CCDC57: variants seen among roughly 807,000 people sequenced by gnomAD.
The protein encoded by CCDC57 is coiled-coil domain containing 57, also known as coiled-coil domain-containing protein 57.
In CCDC57, 118 loss-of-function variants were observed where a neutral mutation model predicts 118.9. The ratio of observed to expected loss-of-function variants is 0.99; its 90% CI spans 0.86 to 1.16. The LOEUF is 1.16. CCDC57 is among the 50% of genes most tolerant of loss of function. The pLI is 0.00. For synonymous variants in CCDC57, 527 were observed against 532.9 expected, an observed-to-expected ratio of 0.99 and a Z score of 0.15; for missense variants, 1,300 against 1,320.7, an observed-to-expected ratio of 0.98 and a Z score of 0.24.
chr17:82,114,093 T>C (rs1035461921), intron 19 of CCDC57, among the ~76,000 whole-genome samples: 2 of 152,176 alleles, frequency 1.3e-5, no homozygotes, highest in African/African-American at 4.8e-5. Context: ...CCCTCGTCAG[T>C]ACACAGAGTG....
chr17:82,151,924 AAG>A, intron 15 of CCDC57, 151 bp from the exon 15 acceptor site: 1 of 640,376 alleles, frequency 1.6e-6, no homozygotes, highest in African/African-American at 1.8e-5. Context: ...GAAAGACAAA[AAG>A]AGTCGCTGCT....
At chr17:82,149,486 C>T (rs983672240) in intron 16 of CCDC57, among the ~76,000 whole-genome samples, 19 of 152,088 alleles carry the variant, frequency 1.2e-4, no homozygotes, top group South Asian at 4.1e-4. Flanking sequence ...GAGAAGTCTG[C>T]GGCCATCTTC....
chr17:82,168,196 C>G (rs140324636), intron 13 of CCDC57, among the ~76,000 whole-genome samples: 4 of 152,352 alleles, frequency 2.6e-5, no homozygotes, highest in African/African-American at 7.2e-5. Context: ...TATGCCACTT[C>G]CTTCTGAGGA....
rs1440213666 is a variant in CCDC57, at chr17:82,196,116, C to T, written c.517-752G>A. On this transcript the variant is annotated intron_variant, in intron 4 of 19. Transcript: ENST00000665763. Reference sequence around the variant, plus strand: ...AAGAATGGCTGCGCCCTGCCAACTACAACCAGCCTCAAATCGCCACTGTCC... The same window carrying T: ...AAGAATGGCTGCGCCCTGCCAACTATAACCAGCCTCAAATCGCCACTGTCC... Among the ~76,000 whole-genome samples the T allele has an allele frequency of 5.3e-5, 8 of 152,306 alleles. No individual in the cohort carries two copies. The South Asian group carries it at 1.7e-3, about 32-fold the overall frequency.
intron 10 of CCDC57, 32 bp from the exon 10 acceptor site, chr17:82,178,637 T>G: frequency 6.2e-7 from 1 of 1,604,634 alleles, no homozygotes; most frequent in East Asian, 2.2e-5. Flanking sequence ...AGTCCCTGTG[T>G]GGATGACCGG....
At position 82,136,623 on chromosome 17, in the gene CCDC57, A is replaced by G. The variant is rs368820014; in HGVS notation, c.2456-2429T>C. On this transcript the variant is annotated intron_variant, in intron 16 of 19. Transcript: ENST00000665763. ...AAGAAAACTAGTTTTTTTGAGACAG[A>G]GTCTTGCTCTGTCACCCAGGCTGGA... Among the ~76,000 whole-genome samples, 181 of 150,742 alleles carry G rather than the reference A, an allele frequency of 1.2e-3. 2 individuals are homozygous for G. Among genetic ancestry groups the G allele is most frequent in the African/African-American group, 4.0e-3 (166 of 41,126 alleles).
chr17:82,126,710 G>A, intron 19 of CCDC57: 1 of 985,450 alleles, frequency 1.0e-6, no homozygotes, highest in Non-Finnish European at 1.2e-6. Context: ...CACGCGGGCA[G>A]CCTTGACTAC....
At chr17:82,168,261 CT>C (rs773590980) in intron 13 of CCDC57, among the ~76,000 whole-genome samples, 46 of 152,240 alleles carry the variant, frequency 3.0e-4, no homozygotes, top group Non-Finnish European at 7.3e-5. Flanking sequence ...TCACTGTCCC[CT>C]GTGGGCTGTG....
intron 17 of CCDC57, 59 bp from the exon 17 acceptor site, chr17:82,128,656 C>T: frequency 7.7e-7 from 1 of 1,306,022 alleles, no homozygotes; most frequent in Non-Finnish European, 1.1e-6. Context: ...TGGTGCATGT[C>T]AGTGAGTTTT....
intron 7 of CCDC57, among the ~76,000 whole-genome samples, chr17:82,191,033 G>A (rs1323334569): frequency 6.6e-6 from 1 of 151,858 alleles, no homozygotes; most frequent in Non-Finnish European, 1.5e-5. Flanking sequence ...GCTGTGTCTA[G>A]ATGTCGTGCC....
At chr17:82,107,804 C>T (rs887983613) in intron 19 of CCDC57, among the ~76,000 whole-genome samples, 4 of 152,310 alleles carry the variant, frequency 2.6e-5, no homozygotes, top group East Asian at 3.9e-4. Context: ...GAACAGCCGC[C>T]GGCCCTCCTG....
chr17:82,168,672 G>A lies in CCDC57; in HGVS notation c.1882+3029C>T, dbSNP rs556215222. On this transcript the variant is annotated intron_variant, in intron 13 of 19. Coordinates refer to ENST00000665763, the Ensembl canonical transcript of CCDC57. ...AAGGGATGAAAAAGTTATACCACGC[G>A]AATGCTAATCAAAAGAAAGCCCGAG... Among the ~76,000 whole-genome samples the A allele has an allele frequency of 3.3e-5, 5 of 152,042 alleles. No homozygotes were observed. In the East Asian group the frequency reaches 7.7e-4, roughly 23 times the overall value.
At chr17:82,152,721 C>T (rs1170424125) in intron 15 of CCDC57, among the ~76,000 whole-genome samples, 1 of 152,264 alleles carries the variant, frequency 6.6e-6, no homozygotes, top group Non-Finnish European at 1.5e-5. Flanking sequence ...GCCACATGAG[C>T]TCCGAGTTCC....
At chr17:82,110,973 CAAAGAAAAAAAAAAAGA>C (rs1598622092) in intron 19 of CCDC57, among the ~76,000 whole-genome samples, 2 of 131,984 alleles carry the variant, frequency 1.5e-5, no homozygotes, top group East Asian at 4.4e-4. Context: ...TGCGGTGAGC[CAAAGAAAAAAAAAAAGA>C]AAAGAAAAAA....
chr17:82,173,114 A>C (rs888681348), intron 11 of CCDC57, among the ~76,000 whole-genome samples: 3 of 151,940 alleles, frequency 2.0e-5, no homozygotes, highest in Admixed American at 2.0e-4. Context: ...CAGAAAGTGG[A>C]ATGGGGGTGC....
At chr17:82,188,511 G>A in intron 7 of CCDC57, 92 bp from the exon 7 acceptor site, 1 of 1,276,968 alleles carries the variant, frequency 7.8e-7, no homozygotes, top group Non-Finnish European at 1.1e-6. Context: ...CCTGTCTCGT[G>A]CACAGGTGCT....
intron 14 of CCDC57, among the ~76,000 whole-genome samples, chr17:82,158,159 T>C (rs9891378): frequency 0.47 from 71,153 of 152,092 alleles, 17,463 homozygotes; most frequent in East Asian, 0.88. Context: ...GCCCTGGCAG[T>C]TCCCCTGTGC....
At chr17:82,159,156 C>T (rs141350524) in intron 14 of CCDC57, among the ~76,000 whole-genome samples, 18 of 152,050 alleles carry the variant, frequency 1.2e-4, no homozygotes, top group African/African-American at 4.1e-4. Flanking sequence ...CATGCACCAC[C>T]GTGCCCAGCC....
intron 13 of CCDC57, among the ~76,000 whole-genome samples, chr17:82,171,393 T>C (rs943710615): frequency 2.8e-4 from 37 of 131,686 alleles, no homozygotes; most frequent in African/African-American, 9.9e-4. Context: ...ACGTGGGCTC[T>C]GGAGGGAGCA....
Sources: allele counts gnomAD v4.1 joint callset (sites outside exome capture counted in the v4.1 genomes callset), GRCh38; gene constraint gnomAD v4.1.1; transcripts MANE v1.5; gene names NCBI Gene and HGNC (gene_info 2026-07-23, HGNC 2026-07-21).